The following BDH1 variants were observed in gnomAD, a reference collection of about 807,000 sequenced individuals.
The protein encoded by BDH1 is 3-hydroxybutyrate dehydrogenase 1, also known as D-beta-hydroxybutyrate dehydrogenase, mitochondrial.
A neutral mutation model predicts 33.1 loss-of-function variants in BDH1; 30 were observed. The ratio of observed to expected loss-of-function variants is 0.91; its 90% CI spans 0.68 to 1.23. The LOEUF is 1.23. Among genes scored for constraint, BDH1 ranks in the 50% most tolerant of loss-of-function variants. The pLI is 0.00. For missense variants in BDH1, 443 were observed against 464.4 expected (o/e 0.95, Z 0.42); for synonymous variants, 190 against 183.6 (o/e 1.03, Z -0.28).
chr3:197,559,404 A>G (rs747963106), upstream of BDH1, among the ~76,000 whole-genome samples: 2 of 152,218 alleles, frequency 1.3e-5, no homozygotes, highest in African/African-American at 4.8e-5. Context: ...ATTTGTTCTC[A>G]TTATTCTCCC....
At chr3:197,532,942 C>G (rs771816412) in intron 4 of BDH1, among the ~76,000 whole-genome samples, 4 of 152,148 alleles carry the variant, frequency 2.6e-5, no homozygotes, top group Non-Finnish European at 5.9e-5. Flanking sequence ...AATGGCCAGT[C>G]TCGGCTCACC....
chr3:197,564,315 A>AT (rs35080626), intron 1 of BDH1, among the ~76,000 whole-genome samples: 8,491 of 152,078 alleles, frequency 0.056, 307 homozygotes, highest in African/African-American at 0.087. Flanking sequence ...AAGAGGATTT[A>AT]TTTTAAAAAA....
intron 1 of BDH1, among the ~76,000 whole-genome samples, chr3:197,567,520 G>A (rs1001232901): frequency 1.1e-4 from 16 of 152,054 alleles, no homozygotes; most frequent in Admixed American, 3.3e-4. Flanking sequence ...TACCTTTCTG[G>A]GCCAAACCAA....
intron 6 of BDH1, chr3:197,515,674 G>A (rs540153941): frequency 8.1e-6 from 8 of 985,482 alleles, no homozygotes; most frequent in East Asian, 2.3e-4. Context: ...TCCATATCCC[G>A]AAGATCCTTC....
At chr3:197,515,606 CA>C in intron 6 of BDH1, 1 of 985,596 alleles carries the variant, frequency 1.0e-6, no homozygotes, top group Non-Finnish European at 1.2e-6. Context: ...CAGTTCTATA[CA>C]CATTAGGAGC....
In BDH1 at chr3:197,510,339, C is replaced by T. The variant is rs1711779992; in HGVS notation, c.*1556G>A. On this transcript the variant is annotated 3_prime_UTR_variant, in exon 8 of 8. Transcript: ENST00000392379. Reference sequence around the variant, plus strand: ...AGCGCCCTCTAGCGGCAGGTCCGCCCAGGGAGAGGCGGAAACGCGGAGTCT... The same window carrying T: ...AGCGCCCTCTAGCGGCAGGTCCGCCTAGGGAGAGGCGGAAACGCGGAGTCT... 1 of 152,280 alleles carries T rather than the reference C, an allele frequency of 6.6e-6. No homozygotes were observed. Among genetic ancestry groups the T allele is most frequent in the South Asian group, 2.1e-4 (1 of 4,830 alleles). The allele number at this position is 152,280 out of a possible 1,614,324, so 9.4% of individuals were successfully genotyped here.
intron 1 of BDH1, among the ~76,000 whole-genome samples, chr3:197,567,803 T>C (rs569083692): frequency 7.2e-5 from 11 of 152,126 alleles, no homozygotes; most frequent in Non-Finnish European, 1.3e-4. Context: ...TCATTAGAAG[T>C]CCTGTAAGTC....
intron 1 of BDH1, among the ~76,000 whole-genome samples, chr3:197,566,797 G>A (rs1717447839): frequency 6.6e-6 from 1 of 152,108 alleles, no homozygotes; most frequent in African/African-American, 2.4e-5. Flanking sequence ...TTGGCTCCAA[G>A]TCTTCAAAGT....
chr3:197,510,626 G>C lies in BDH1; in HGVS notation c.*1269C>G, dbSNP rs959815991. 3.3e-4 allele frequency: 11 copies of C among 32,996 alleles called. No homozygotes were observed. The highest frequency in any genetic ancestry group is 5.6e-4 in the Non-Finnish European group (9 of 16,044). The allele number at this position is 32,996 out of a possible 1,614,324, so 2.0% of individuals were successfully genotyped here. A position where few individuals can be genotyped will look rare whatever the true frequency, so the allele number is the denominator to read the frequency against. On this transcript the variant is annotated 3_prime_UTR_variant, in exon 8 of 8. Transcript: ENST00000392379. ...TGTGTGTGTGTGTGTGTGTGTGTGT[G>C]TGTGTGTGTGTGTGTGTGTGTGTGT... is the stretch of plus-strand genomic sequence containing the variant.
At chr3:197,515,498 G>A (rs1290603584) in intron 6 of BDH1, 6 of 985,528 alleles carry the variant, frequency 6.1e-6, no homozygotes, top group Non-Finnish European at 7.2e-6. Context: ...CACCCGTCAT[G>A]GCTGACACTT....
chr3:197,555,616 C>G (rs1234927483), intron 1 of BDH1, 165 bp downstream of exon 1: 1 of 152,420 alleles, frequency 6.6e-6, no homozygotes, highest in Non-Finnish European at 1.5e-5. Context: ...CCATCCTACC[C>G]TTACCCCGCT....
At chr3:197,524,821 C>G (rs962404676) in intron 5 of BDH1, among the ~76,000 whole-genome samples, 5 of 152,206 alleles carry the variant, frequency 3.3e-5, no homozygotes, top group Middle Eastern at 3.4e-3. Context: ...GGAGGTCGGG[C>G]TGATCTCCCC....
At chr3:197,562,834 T>C (rs1405253959) in intron 1 of BDH1, among the ~76,000 whole-genome samples, 1 of 152,174 alleles carries the variant, frequency 6.6e-6, no homozygotes, top group Non-Finnish European at 1.5e-5. Context: ...GAGCACCTTA[T>C]TGGTTTTATG....
chr3:197,553,023 TC>T (rs1013739381), intron 2 of BDH1, among the ~76,000 whole-genome samples: 1 of 151,998 alleles, frequency 6.6e-6, no homozygotes, highest in Admixed American at 6.5e-5. Flanking sequence ...GTTCAAGCAA[TC>T]CTCCTGCCTC....
At chr3:197,549,109 T>C (rs148870481) in intron 2 of BDH1, among the ~76,000 whole-genome samples, 1 of 152,176 alleles carries the variant, frequency 6.6e-6, no homozygotes, top group Admixed American at 6.5e-5. Flanking sequence ...GAAATGGCTG[T>C]GGGAGGCGGG....
At chr3:197,557,219 C>CCCAA (rs1717091422), upstream of BDH1, among the ~76,000 whole-genome samples, 1 of 152,192 alleles carries the variant, frequency 6.6e-6, no homozygotes, top group Non-Finnish European at 1.5e-5. The surrounding 1 kb of genome is among the most constrained non-coding windows in gnomAD (Gnocchi z 4.6). Context: ...CGAGCTGTGT[C>CCCAA]CCAACCACCT....
chr3:197,527,711 T>C (rs148982907), intron 5 of BDH1, among the ~76,000 whole-genome samples: 1 of 152,266 alleles, frequency 6.6e-6, no homozygotes, highest in Non-Finnish European at 1.5e-5. Context: ...TGGAGCTCTG[T>C]ACTGCACTGT....
rs1013777990 is a variant in BDH1, at chr3:197,511,985, GC to G, written c.941del (p.Arg314ProfsTer16). 3.7e-6 allele frequency: 6 copies of G among 1,612,330 alleles called. No homozygotes were observed. Among genetic ancestry groups the G allele is most frequent in the Middle Eastern group, 1.7e-4 (1 of 6,058 alleles). On this transcript the variant is annotated frameshift_variant, in exon 8 of 8. Coordinates refer to ENST00000392379, the MANE Select transcript of BDH1 (RefSeq NM_203314.3). LOFTEE classifies it high-confidence loss of function. ...HALTATTPYT[R>X]YHPMDYYWWL... ...ACCAGTAGTAGTCCATGGGGTGGTA[GC>G]GGGTGTAGGGGGTGGTGGCGGTCAG...
At chr3:197,567,970 T>C (rs1452035778) in intron 1 of BDH1, among the ~76,000 whole-genome samples, 3 of 152,144 alleles carry the variant, frequency 2.0e-5, no homozygotes, top group Non-Finnish European at 2.9e-5. Flanking sequence ...TCCTGTCTGT[T>C]TGCCTGCTAG....
Sources: allele counts gnomAD v4.1 joint callset (sites outside exome capture counted in the v4.1 genomes callset), GRCh38; gene constraint gnomAD v4.1.1; non-coding constraint Gnocchi (gnomAD v3.1); transcripts MANE v1.5; gene names NCBI Gene and HGNC (gene_info 2026-07-23, HGNC 2026-07-21).